GRM4: variants seen among roughly 807,000 people sequenced by gnomAD.
GRM4 encodes glutamate metabotropic receptor 4.
A neutral mutation model predicts 81.7 loss-of-function variants in GRM4; 28 were observed. The observed-to-expected ratio is 0.34, with a 90% confidence interval of 0.25 to 0.47. The LOEUF (loss-of-function observed/expected upper bound fraction) is 0.47, where lower values mean the gene tolerates loss of function less well. Among genes scored for constraint, GRM4 ranks in the 20% least tolerant of loss-of-function variants. The probability of loss-of-function intolerance (pLI) is 1.00; values close to 1 mark genes in which losing one functional copy is unlikely to be tolerated. For missense variants in GRM4, 948 were observed against 1,290.0 expected (o/e 0.73, Z 4.06); for synonymous variants, 488 against 528.8 (o/e 0.92, Z 1.06).
rs763177435 is a variant in GRM4 at position 34,040,599 on chromosome 6, G to A, written c.1318C>T (p.Pro440Ser). Residue 440 changes from proline to serine, a missense_variant, in exon 7 of 11, where the codon CCT becomes TCT. Transcript: ENST00000538487. ...GRVGLCPRMD[P>S]VDGTQLLKYI... is the part of the protein sequence containing the mutation. ...TTAAGCAGCTGGGTGCCATCTACAG[G>A]GTCCATGCGCGGGCAGAGCCCCACG... The A allele has an allele frequency of 1.2e-6, 2 of 1,614,072 alleles. No homozygotes were observed. The highest frequency in any genetic ancestry group is 4.5e-5 in the East Asian group (2 of 44,882).
At chr6:34,038,119 C>T (rs1581598108) in intron 8 of GRM4, among the ~76,000 whole-genome samples, 1 of 152,142 alleles carries the variant, frequency 6.6e-6, no homozygotes, top group Non-Finnish European at 1.5e-5. Context: ...CCAGAGGACA[C>T]GGGGCGATGG....
chr6:34,122,728 T>TTGTTTGTCTGTCTGTC (rs1769862319), intron 2 of GRM4, among the ~76,000 whole-genome samples: 1 of 150,664 alleles, frequency 6.6e-6, no homozygotes, highest in African/African-American at 2.5e-5. Context: ...CTTCCCCGGT[T>TTGTTTGTCTGTCTGTC]TGTCTGTCTG....
chr6:34,048,874 G>A lies in GRM4; in HGVS notation c.1168+7670C>T, dbSNP rs1009417688. Among the ~76,000 whole-genome samples the A allele has an allele frequency of 2.6e-5, 4 of 151,932 alleles. No individual in the cohort carries two copies. The highest frequency in any genetic ancestry group is 5.9e-5 in the Non-Finnish European group (4 of 67,990). On this transcript the variant is annotated intron_variant, in intron 6 of 10. Transcript: ENST00000538487. This position sits in a 1 kb window ranked among gnomAD's most constrained non-coding sequence, Gnocchi z 4.0. ...GTAAGTTTCCTGAGGCCTCCCAGTC[G>A]CGCTTCCTGTACAGCCTGCAGAACT...
chr6:34,092,237 T>C lies in GRM4; in HGVS notation c.520-138A>G. 1 of 617,226 alleles carries C rather than the reference T, an allele frequency of 1.6e-6. No homozygotes were observed. Among genetic ancestry groups the C allele is most frequent in the Non-Finnish European group, 2.8e-6 (1 of 351,156 alleles). 38.2% of individuals were successfully genotyped at this position (617,226 alleles called of 1,614,324 possible). A position where few individuals can be genotyped will look rare whatever the true frequency, so the allele number is the denominator to read the frequency against. On this transcript the variant is annotated intron_variant, in intron 2 of 10. Coordinates refer to ENST00000538487, the MANE Select transcript of GRM4 (RefSeq NM_000841.4). The surrounding 1 kb of genome is among the most constrained non-coding windows in gnomAD (Gnocchi z 6.8). ...ACAGCCCACCCCTCCCCATGGGCGA[T>C]GCCTCCTCCTCCAGAAAGTCTCCCA... is the stretch of plus-strand genomic sequence containing the variant.
chr6:34,112,626 T>A (rs923416864), intron 2 of GRM4, among the ~76,000 whole-genome samples: 5 of 152,016 alleles, frequency 3.3e-5, no homozygotes, highest in Admixed American at 1.3e-4. Flanking sequence ...CATGGCAGGT[T>A]CCAGCTGGAA....
Position 34,070,194 on chromosome 6 carries a change from C to G in GRM4, c.737-8166G>C, listed in dbSNP as rs762938265. On this transcript the variant is annotated intron_variant, in intron 3 of 10. Coordinates refer to ENST00000538487, the MANE Select transcript of GRM4 (RefSeq NM_000841.4). This position sits in a 1 kb window ranked among gnomAD's most constrained non-coding sequence, Gnocchi z 4.6. ...AGCTGCCACCTCCTTACATGCACAG[C>G]CACTGGACACCCCATTTGAGCCTGG... is the stretch of plus-strand genomic sequence containing the variant. Among the ~76,000 whole-genome samples the G allele has an allele frequency of 3.3e-5, 5 of 152,108 alleles. No individual in the cohort carries two copies. Among genetic ancestry groups the G allele is most frequent in the Non-Finnish European group, 7.4e-5 (5 of 68,020 alleles).
intron 3 of GRM4, among the ~76,000 whole-genome samples, chr6:34,082,635 G>A (rs145441333): frequency 2.0e-5 from 3 of 152,366 alleles, no homozygotes; most frequent in African/African-American, 7.2e-5. Context: ...CCGCTGCCCT[G>A]CTCCTATTCT....
intron 6 of GRM4, among the ~76,000 whole-genome samples, chr6:34,050,677 T>C (rs371931188): frequency 6.6e-6 from 1 of 152,310 alleles, no homozygotes; most frequent in African/African-American, 2.4e-5. Flanking sequence ...ACTGAGAACT[T>C]CTGACTTAAA....
At chr6:34,040,812 G>A in intron 6 of GRM4, 64 bp from the exon 7 acceptor site, 3 of 1,401,000 alleles carry the variant, frequency 2.1e-6, no homozygotes, top group Non-Finnish European at 3.0e-6. Context: ...TGGTGTCATG[G>A]GGGCCAGACC....
rs1751620320 is a variant in GRM4 at position 34,022,426 on chromosome 6, G to C, written c.*395C>G. 4.6e-6 allele frequency: 1 copy of C among 216,646 alleles called. No homozygotes were observed. The highest frequency in any genetic ancestry group is 9.2e-6 in the Non-Finnish European group (1 of 108,684). 13.4% of individuals were successfully genotyped at this position (216,646 alleles called of 1,614,324 possible). On this transcript the variant is annotated 3_prime_UTR_variant, in exon 11 of 11. Coordinates refer to ENST00000538487, the MANE Select transcript of GRM4 (RefSeq NM_000841.4). This position sits in a 1 kb window ranked among gnomAD's most constrained non-coding sequence, Gnocchi z 5.6. Reference sequence around the variant, plus strand: ...AGCCGGGGACGCCAGAGAGGGAAAAGGTGAAACAAAGAGATAAGAGAACAG... The same window carrying C: ...AGCCGGGGACGCCAGAGAGGGAAAACGTGAAACAAAGAGATAAGAGAACAG...
Position 34,133,925 on chromosome 6 carries a change from T to A in GRM4, c.-363-66A>T. On this transcript the variant is annotated intron_variant, in intron 1 of 10. Transcript: ENST00000538487. The surrounding 1 kb of genome is among the most constrained non-coding windows in gnomAD (Gnocchi z 6.5). ...CCAAAGAAGACATTAGCTAGTCTCA[T>A]CTCTCATCAGGAGCCTGAGAGAAGG... is the stretch of plus-strand genomic sequence containing the variant. 1.4e-6 allele frequency: 1 copy of A among 710,622 alleles called. No homozygotes were observed. Among genetic ancestry groups the A allele is most frequent in the Non-Finnish European group, 1.7e-6 (1 of 576,102 alleles). The allele number at this position is 710,622 out of a possible 1,614,324, so 44.0% of individuals were successfully genotyped here.
intron 3 of GRM4, among the ~76,000 whole-genome samples, chr6:34,075,994 C>A (rs1444709488): frequency 3.3e-5 from 5 of 152,188 alleles, no homozygotes; most frequent in Non-Finnish European, 5.9e-5. Flanking sequence ...TGTGTTGGGG[C>A]AGAGAGAGGC....
At chr6:34,083,352 C>T (rs1475701881) in intron 3 of GRM4, among the ~76,000 whole-genome samples, 1 of 152,190 alleles carries the variant, frequency 6.6e-6, no homozygotes, top group Non-Finnish European at 1.5e-5. Context: ...ACCAAACAAG[C>T]GCGTGGTTCA....
chr6:34,111,045 C>A lies in GRM4; in HGVS notation c.520-18946G>T. ...GGCTTGGGGGCAGCTCCAGACAATC[C>A]GTCTCATGCATTTGGATATCAGCTG... On this transcript the variant is annotated intron_variant, in intron 2 of 10. Coordinates refer to ENST00000538487, the MANE Select transcript of GRM4 (RefSeq NM_000841.4). This position sits in a 1 kb window ranked among gnomAD's most constrained non-coding sequence, Gnocchi z 5.1. 1 of 224,460 alleles carries A rather than the reference C, an allele frequency of 4.5e-6. No individual in the cohort carries two copies. Among genetic ancestry groups the A allele is most frequent in the South Asian group, 1.1e-4 (1 of 8,822 alleles). The allele number at this position is 224,460 out of a possible 1,614,324, so 13.9% of individuals were successfully genotyped here. A position where few individuals can be genotyped will look rare whatever the true frequency, so the allele number is the denominator to read the frequency against.
chr6:34,087,730 A>C (rs1767981426), intron 3 of GRM4, among the ~76,000 whole-genome samples: 1 of 121,090 alleles, frequency 8.3e-6, no homozygotes, highest in Non-Finnish European at 1.7e-5. Context: ...ACACAGGCCC[A>C]GTCTACAGAT....
In GRM4 at chr6:34,065,261, C is replaced by T. The variant is rs151240938; in HGVS notation, c.737-3233G>A. Among the ~76,000 whole-genome samples, 158 of 152,270 alleles carry T rather than the reference C, an allele frequency of 1.0e-3. 2 individuals carry two copies. In the East Asian group the frequency reaches 0.022, roughly 22 times the overall value. ...AAGTCACACCAAGCCCACCAGCCAT[C>T]CCTGTGCCCAGCCCCTGGGCCACAC... On this transcript the variant is annotated intron_variant, in intron 3 of 10. Transcript: ENST00000538487.
At chr6:34,061,594 T>G (rs578040639) in intron 4 of GRM4, 104 of 315,622 alleles carry the variant, frequency 3.3e-4, no homozygotes, top group African/African-American at 2.1e-3. Flanking sequence ...CATTAGAACC[T>G]AAGTGGTCCG....
At chr6:34,104,777 G>C (rs116068798) in intron 2 of GRM4, among the ~76,000 whole-genome samples, 2,964 of 152,264 alleles carry the variant, frequency 0.019, 44 homozygotes, top group African/African-American at 0.047. Context: ...CTCAGTTTCT[G>C]CATCTGTTCA....
In GRM4 at chr6:34,070,291, G is replaced by A. The variant is rs1366468131; in HGVS notation, c.737-8263C>T. On this transcript the variant is annotated intron_variant, in intron 3 of 10. Transcript: ENST00000538487. The surrounding 1 kb of genome is among the most constrained non-coding windows in gnomAD (Gnocchi z 4.6). ...ACACGCGTGGGGTGGGTACCCACGT[G>A]CACCTGGACGTCTCCCTCCGTCCTG... Among the ~76,000 whole-genome samples the A allele has an allele frequency of 1.3e-5, 2 of 152,110 alleles. No individual in the cohort carries two copies. The highest frequency in any genetic ancestry group is 2.4e-5 in the African/African-American group (1 of 41,412).
Sources: gnomAD v4.1 joint callset for allele counts (sites outside exome capture counted in the v4.1 genomes callset) on GRCh38, gnomAD v4.1.1 for gene constraint, Gnocchi (gnomAD v3.1) non-coding constraint, MANE v1.5 for transcripts, NCBI Gene and HGNC (gene_info 2026-07-23, HGNC 2026-07-21) for gene names.